The following DSCAM variants were observed in gnomAD, a reference collection of about 807,000 sequenced individuals.
The protein encoded by DSCAM is DS cell adhesion molecule.
DSCAM carries 47 observed loss-of-function variants against 217.7 expected under a neutral mutation model. That is an observed-to-expected ratio of 0.22 (90% confidence interval 0.17 to 0.28). DSCAM has a LOEUF of 0.28. Among genes scored for constraint, DSCAM ranks in the 10% least tolerant of loss-of-function variants. DSCAM has a pLI of 1.00. For missense variants in DSCAM, 2,080 were observed against 2,618.3 expected, an observed-to-expected ratio of 0.79 and a Z score of 4.49; for synonymous variants, 1,056 against 1,015.3, an observed-to-expected ratio of 1.04 and a Z score of -0.76.
intron 3 of DSCAM, among the ~76,000 whole-genome samples, chr21:40,375,586 T>G (rs2074942366): frequency 6.6e-6 from 1 of 152,232 alleles, no homozygotes; most frequent in Non-Finnish European, 1.5e-5. Flanking sequence ...GAGACTTGGT[T>G]TTATTATACC....
At chr21:40,500,000 C>T (rs9974093) in intron 3 of DSCAM, among the ~76,000 whole-genome samples, 12,181 of 152,084 alleles carry the variant, frequency 0.08, 636 homozygotes, top group East Asian at 0.19. Context: ...AGGATGGTCT[C>T]GATCTCCTGA....
chr21:40,628,465 G>A (rs1408602807), intron 3 of DSCAM, among the ~76,000 whole-genome samples: 1 of 152,150 alleles, frequency 6.6e-6, no homozygotes, highest in African/African-American at 2.4e-5. Flanking sequence ...CCAGCTCACT[G>A]TTTGTTTTTG....
chr21:40,242,097 GA>G (rs1170292958), intron 11 of DSCAM, among the ~76,000 whole-genome samples: 7 of 151,698 alleles, frequency 4.6e-5, no homozygotes, highest in Non-Finnish European at 1.5e-5. Context: ...AAACCCCAGT[GA>G]TATGTGTTTA....
Position 40,683,277 on chromosome 21 carries a change from G to A in DSCAM, c.508+9533C>T. Among the ~76,000 whole-genome samples, 2 of 152,288 alleles carry A rather than the reference G, an allele frequency of 1.3e-5. 1 individual carries two copies. Among genetic ancestry groups the A allele is most frequent in the Admixed American group, 1.3e-4 (2 of 15,300 alleles). ...AGAAACTGGACCAGGAGACAGCCTTGGGATTTAACATTTGGAAGTCATGGG... is the reference window on the plus strand; with the variant it reads ...AGAAACTGGACCAGGAGACAGCCTTAGGATTTAACATTTGGAAGTCATGGG... On this transcript the variant is annotated intron_variant, in intron 3 of 32. Coordinates refer to ENST00000400454, the MANE Select transcript of DSCAM (RefSeq NM_001389.5).
chr21:40,262,580 C>T (rs549675759), intron 11 of DSCAM, among the ~76,000 whole-genome samples: 1 of 152,314 alleles, frequency 6.6e-6, no homozygotes, highest in South Asian at 2.1e-4. Flanking sequence ...CTTACTTGAA[C>T]CTTCCCCCAA....
intron 8 of DSCAM, among the ~76,000 whole-genome samples, chr21:40,330,781 C>A (rs2074370253): frequency 6.6e-6 from 1 of 152,276 alleles, no homozygotes; most frequent in Middle Eastern, 3.4e-3. Flanking sequence ...GTTCCCACTT[C>A]ATTAGCTTTC....
chr21:40,367,210 C>A (rs2074842691), intron 4 of DSCAM, among the ~76,000 whole-genome samples: 1 of 152,172 alleles, frequency 6.6e-6, no homozygotes, highest in Non-Finnish European at 1.5e-5. Flanking sequence ...AAGAATTCTC[C>A]TCTGCTTTTG....
intron 3 of DSCAM, among the ~76,000 whole-genome samples, chr21:40,470,744 G>T (rs1395638590): frequency 2.0e-5 from 3 of 152,124 alleles, no homozygotes; most frequent in African/African-American, 7.2e-5. Flanking sequence ...TGTAGAGAGA[G>T]GGTTTCCCCA....
chr21:40,154,183 T>TCCTC (rs2090452930), intron 16 of DSCAM, among the ~76,000 whole-genome samples: 1 of 142,250 alleles, frequency 7.0e-6, no homozygotes, highest in Non-Finnish European at 1.6e-5. Flanking sequence ...CCTTTCTTCT[T>TCCTC]CCTTCCTTCC....
At chr21:40,076,730 T>G (rs766306210) in intron 26 of DSCAM, among the ~76,000 whole-genome samples, 2 of 152,234 alleles carry the variant, frequency 1.3e-5, no homozygotes, top group African/African-American at 4.8e-5. Context: ...AGTTTCTAAT[T>G]AAATCATTAG....
intron 11 of DSCAM, among the ~76,000 whole-genome samples, chr21:40,249,958 A>G (rs577728398): frequency 6.6e-6 from 1 of 152,302 alleles, no homozygotes; most frequent in South Asian, 2.1e-4. Flanking sequence ...CTAAGCTGAC[A>G]CACATCTGAG....
intron 20 of DSCAM, among the ~76,000 whole-genome samples, chr21:40,095,973 C>A (rs1240561211): frequency 6.6e-6 from 1 of 152,046 alleles, no homozygotes; most frequent in African/African-American, 2.4e-5. Context: ...TGCAGAAAAA[C>A]TGATTAGTGA....
intron 27 of DSCAM, among the ~76,000 whole-genome samples, chr21:40,066,904 T>C (rs557823537): frequency 1.3e-5 from 2 of 152,354 alleles, no homozygotes; most frequent in African/African-American, 4.8e-5. Flanking sequence ...AACTAACTTA[T>C]TTCAGTCTAT....
intron 28 of DSCAM, among the ~76,000 whole-genome samples, chr21:40,056,357 C>A (rs2089022950): frequency 6.6e-6 from 1 of 152,154 alleles, no homozygotes; most frequent in South Asian, 2.1e-4. Context: ...ACCTTGTTAG[C>A]TTCCCTGACG....
intron 3 of DSCAM, among the ~76,000 whole-genome samples, chr21:40,471,787 T>C (rs1467013529): frequency 6.6e-6 from 1 of 152,208 alleles, no homozygotes; most frequent in African/African-American, 2.4e-5. Context: ...TTTACTTTAC[T>C]TAATTTTTAT....
intron 4 of DSCAM, among the ~76,000 whole-genome samples, chr21:40,366,550 AT>A (rs2074834755): frequency 6.6e-6 from 1 of 152,164 alleles, no homozygotes; most frequent in Admixed American, 6.6e-5. Context: ...AAACAAAAAA[AT>A]ATAGTTTTCA....
intron 3 of DSCAM, among the ~76,000 whole-genome samples, chr21:40,414,357 T>C (rs1404174569): frequency 6.6e-6 from 1 of 152,198 alleles, no homozygotes; most frequent in Non-Finnish European, 1.5e-5. Context: ...AGGAGATATA[T>C]GAACAGTCAA....
At chr21:40,162,572 G>A (rs1179467556) in intron 16 of DSCAM, among the ~76,000 whole-genome samples, 1 of 152,174 alleles carries the variant, frequency 6.6e-6, no homozygotes, top group Non-Finnish European at 1.5e-5. Flanking sequence ...AAACTTAATA[G>A]GTTGTAATGA....
intron 3 of DSCAM, among the ~76,000 whole-genome samples, chr21:40,500,584 A>G (rs560128133): frequency 6.6e-6 from 1 of 152,352 alleles, no homozygotes; most frequent in Admixed American, 6.5e-5. Context: ...CATATTCTTC[A>G]GCATATTAAA....
Sources: allele counts gnomAD v4.1 joint callset (sites outside exome capture counted in the v4.1 genomes callset), GRCh38; gene constraint gnomAD v4.1.1; transcripts MANE v1.5; gene names NCBI Gene and HGNC (gene_info 2026-07-23, HGNC 2026-07-21).